PARP15: variants seen among roughly 807,000 people sequenced by gnomAD.
PARP15 encodes the protein protein mono-ADP-ribosyltransferase PARP15.
A neutral mutation model predicts 62.1 loss-of-function variants in PARP15; 50 were observed. The observed-to-expected ratio is 0.81, with a 90% confidence interval of 0.64 to 1.02. PARP15 has a LOEUF of 1.02. Among genes scored for constraint, PARP15 ranks in the 50% least tolerant of loss-of-function variants. The pLI, the probability that PARP15 is intolerant of heterozygous loss-of-function variation, is 0.00. For synonymous variants in PARP15, 309 were observed against 293.1 expected, an observed-to-expected ratio of 1.05 and a Z score of -0.55; for missense variants, 820 against 826.5, an observed-to-expected ratio of 0.99 and a Z score of 0.10.
chr3:122,584,837 C>G lies in PARP15; in HGVS notation c.186+6984C>G, dbSNP rs769791127. Among the ~76,000 whole-genome samples, 3 of 152,234 alleles carry G rather than the reference C, an allele frequency of 2.0e-5. No individual in the cohort carries two copies. In the South Asian group the frequency reaches 6.2e-4, roughly 32 times the overall value. ...AGGTGATCCACCCGCCGTGGCCTCC[C>G]AAAGTGCTGGGATTACAGGCATGAG... On this transcript the variant is annotated intron_variant, in intron 1 of 11. Transcript: ENST00000464300.
intron 2 of PARP15, among the ~76,000 whole-genome samples, chr3:122,609,035 TA>T (rs1935377528): frequency 6.6e-6 from 1 of 152,096 alleles, no homozygotes; most frequent in South Asian, 2.1e-4. Context: ...ATTACAGGAG[TA>T]AACCACTACA....
rs754764275 is a variant in PARP15, at chr3:122,615,785, TTA to T, written c.779_780del (p.Leu260Ter). On this transcript the variant is annotated frameshift_variant, in exon 5 of 12. Transcript: ENST00000464300. LOFTEE classifies it high-confidence loss of function. ...TNDDEGCQAF[L>X]DEFTNWSRIN... ...TAACTGTTTCTATTTCCAGGCATTTTTAGATGAATTCACTAACTGGTCAAGAA... is the reference window on the plus strand; with the variant it reads ...TAACTGTTTCTATTTCCAGGCATTTTGATGAATTCACTAACTGGTCAAGAA... 1 of 1,613,050 alleles carries T rather than the reference TTA, an allele frequency of 6.2e-7. No homozygotes were observed. The highest frequency in any genetic ancestry group is 8.5e-7 in the Non-Finnish European group (1 of 1,178,996).
intron 11 of PARP15, 71 bp from the exon 12 acceptor site, chr3:122,635,740 C>A: frequency 6.7e-7 from 1 of 1,493,848 alleles, no homozygotes; most frequent in Non-Finnish European, 9.0e-7. Context: ...ACAATTTTGT[C>A]AGATTGGGCA....
chr3:122,610,911 C>T (rs1477061819), intron 3 of PARP15, among the ~76,000 whole-genome samples, 181 bp downstream of exon 3: 1 of 152,162 alleles, frequency 6.6e-6, no homozygotes, highest in Non-Finnish European at 1.5e-5. Context: ...CTATGATGCA[C>T]ACACCAGCCC....
intron 2 of PARP15, among the ~76,000 whole-genome samples, chr3:122,607,127 A>G (rs746235176): frequency 1.1e-4 from 17 of 152,240 alleles, no homozygotes; most frequent in Admixed American, 7.9e-4. Context: ...CAAACTCAAG[A>G]GACTTACTTA....
intron 1 of PARP15, among the ~76,000 whole-genome samples, chr3:122,597,977 A>G (rs1934487875): frequency 6.6e-6 from 1 of 152,036 alleles, no homozygotes; most frequent in Non-Finnish European, 1.5e-5. Flanking sequence ...ATTTTTATTT[A>G]TTTTTCACTG....
chr3:122,631,619 A>G (rs1228493899), intron 9 of PARP15, among the ~76,000 whole-genome samples: 7 of 152,200 alleles, frequency 4.6e-5, no homozygotes, highest in African/African-American at 1.7e-4. Context: ...TTTTCTTTAC[A>G]TGGTGCTTTC....
At chr3:122,605,221 A>C (rs1483523664) in intron 1 of PARP15, among the ~76,000 whole-genome samples, 1 of 151,634 alleles carries the variant, frequency 6.6e-6, no homozygotes, top group African/African-American at 2.4e-5. Flanking sequence ...GGGATTGTGG[A>C]GGGGGGTTCA....
intron 6 of PARP15, 70 bp from the exon 7 acceptor site, chr3:122,619,711 A>G: frequency 7.7e-7 from 1 of 1,302,250 alleles, no homozygotes; most frequent in African/African-American, 1.5e-5. Flanking sequence ...GCAGAAGTCT[A>G]ATGTACAAAA....
rs537556584 is a variant in PARP15, at chr3:122,633,145, G to A, written c.1572+926G>A. 3.3e-5 allele frequency among the ~76,000 whole-genome samples: 5 copies of A among 152,228 alleles called. No individual in the cohort carries two copies. The South Asian group carries it at 8.3e-4, about 25-fold the overall frequency. ...GTACTTACATTACAGCACTTATAAG[G>A]TACTTTGATAACTTTTCACATACCT... On this transcript the variant is annotated intron_variant, in intron 10 of 11. Transcript: ENST00000464300.
chr3:122,619,949 A>T (rs1164605098), intron 7 of PARP15, 106 bp downstream of exon 7: 2 of 1,050,940 alleles, frequency 1.9e-6, no homozygotes, highest in African/African-American at 3.2e-5. Context: ...AGCGAGCAAA[A>T]CTTTGCAAGA....
intron 1 of PARP15, among the ~76,000 whole-genome samples, chr3:122,581,384 C>T (rs887161000): frequency 6.6e-6 from 1 of 152,126 alleles, no homozygotes; most frequent in Non-Finnish European, 1.5e-5. Context: ...TATTTATTTT[C>T]TTTCTTCCTT....
chr3:122,615,752 G>T, intron 4 of PARP15, 27 bp from the exon 5 acceptor site: 1 of 1,607,636 alleles, frequency 6.2e-7, no homozygotes, highest in Non-Finnish European at 8.5e-7. Flanking sequence ...CAATATTGTT[G>T]TAGTCAGTAA....
At chr3:122,604,891 C>T (rs990664298) in intron 1 of PARP15, among the ~76,000 whole-genome samples, 4 of 150,160 alleles carry the variant, frequency 2.7e-5, no homozygotes, top group East Asian at 1.9e-4. Flanking sequence ...CAGAAATTAG[C>T]GGGGTGTGGT....
chr3:122,610,256 C>T (rs565093890), intron 2 of PARP15, among the ~76,000 whole-genome samples: 19 of 152,204 alleles, frequency 1.2e-4, no homozygotes, highest in Admixed American at 5.9e-4. Context: ...TGACTCATTA[C>T]GTGTTGATTT....
chr3:122,623,907 G>GAA (rs1936515152), intron 8 of PARP15, among the ~76,000 whole-genome samples: 5 of 152,100 alleles, frequency 3.3e-5, no homozygotes, highest in African/African-American at 1.2e-4. Flanking sequence ...ACTTTGCGGG[G>GAA]CTGAGGCGGG....
At position 122,632,221 on chromosome 3, in the gene PARP15, T is replaced by A; in HGVS notation, c.1572+2T>A. 6.2e-7 allele frequency: 1 copy of A among 1,610,714 alleles called. No homozygotes were observed. The highest frequency in any genetic ancestry group is 8.5e-7 in the Non-Finnish European group (1 of 1,178,992). ...TGTTCTTCCTACGCAATAGAGAAGG[T>A]AATACTGTGTTAAAATTTACTGTTC... On this transcript the variant is annotated splice_donor_variant, in intron 10 of 11. Transcript: ENST00000464300. LOFTEE classifies it high-confidence loss of function.
intron 1 of PARP15, among the ~76,000 whole-genome samples, chr3:122,590,819 C>G (rs1933851027): frequency 6.6e-6 from 1 of 152,194 alleles, no homozygotes; most frequent in Non-Finnish European, 1.5e-5. Context: ...TAAACCCAGT[C>G]TTCTTTCTGA....
intron 1 of PARP15, among the ~76,000 whole-genome samples, chr3:122,595,615 T>A (rs1368372127): frequency 6.6e-6 from 1 of 152,170 alleles, no homozygotes; most frequent in African/African-American, 2.4e-5. Flanking sequence ...AGTAGCACGA[T>A]CTTGGCCCAC....
Sources: allele counts gnomAD v4.1 joint callset (sites outside exome capture counted in the v4.1 genomes callset), GRCh38; gene constraint gnomAD v4.1.1; transcripts MANE v1.5; gene names NCBI Gene and HGNC (gene_info 2026-07-23, HGNC 2026-07-21).